Variants in FREM2 observed in about 807,000 individuals in gnomAD.
FREM2 encodes the protein FRAS1-related extracellular matrix protein 2.
Under a neutral mutation model 219.9 loss-of-function variants are expected in FREM2, and 119 were observed. The observed-to-expected ratio is 0.54, with a 90% CI of 0.47 to 0.63. The LOEUF (loss-of-function observed/expected upper bound fraction) is 0.63. Among genes scored for constraint, FREM2 ranks in the 30% least tolerant of loss-of-function variants. The probability of loss-of-function intolerance (pLI) is 0.00; values close to 1 mark genes in which losing one functional copy is unlikely to be tolerated. For synonymous variants in FREM2, 1,562 were observed against 1,522.8 expected (o/e 1.03, Z -0.60); for missense variants, 4,030 against 3,993.6 (o/e 1.01, Z -0.25).
Position 38,840,710 on chromosome 13 carries a change from AC to A in FREM2, c.6020-5862del, listed in dbSNP as rs1338433843. 1.0e-3 allele frequency among the ~76,000 whole-genome samples: 153 copies of A among 148,060 alleles called. 1 individual carries two copies. Among genetic ancestry groups the A allele is most frequent in the African/African-American group, 3.8e-3 (150 of 39,846 alleles). On this transcript the variant is annotated intron_variant, in intron 6 of 23. Transcript: ENST00000280481. The stretch of plus-strand genomic sequence containing the variant: ...TGTATATATGTGCATATATACACAC[AC>A]ACACACAGATATATATATATACACA...
chr13:38,768,483 C>G (rs1272838347), intron 3 of FREM2, among the ~76,000 whole-genome samples: 1 of 151,876 alleles, frequency 6.6e-6, no homozygotes, highest in Non-Finnish European at 1.5e-5. Flanking sequence ...CACCATGTTT[C>G]CCAGGATGGT....
rs1332117570 is a variant in FREM2 at position 38,884,865 on chromosome 13, T to C, written c.*4078T>C. ...TCATAGGTTTAACTGAAATACGTTA[T>C]ATGAAGTTTTACAAAAAGGTCAACA... On this transcript the variant is annotated 3_prime_UTR_variant, in exon 24 of 24. Coordinates refer to ENST00000280481, the MANE Select transcript of FREM2 (RefSeq NM_207361.6). 6.6e-6 allele frequency: 1 copy of C among 152,174 alleles called. No homozygotes were observed. Among genetic ancestry groups the C allele is most frequent in the Non-Finnish European group, 1.5e-5 (1 of 68,026 alleles). 9.4% of individuals were successfully genotyped at this position (152,174 alleles called of 1,614,324 possible).
intron 5 of FREM2, among the ~76,000 whole-genome samples, chr13:38,783,471 TATAAA>T (rs781093093): frequency 0.035 from 1,073 of 30,852 alleles, 4 homozygotes; most frequent in Middle Eastern, 0.11. Flanking sequence ...TGGGTTACTA[TATAAA>T]AAAAAAAAAA....
intron 6 of FREM2, among the ~76,000 whole-genome samples, chr13:38,788,972 T>G (rs2137836253): frequency 6.6e-6 from 1 of 152,250 alleles, no homozygotes; most frequent in South Asian, 2.1e-4. Context: ...TTACTAGTGT[T>G]AAGCCACCCA....
chr13:38,751,276 A>G (rs1027690788), intron 2 of FREM2, among the ~76,000 whole-genome samples: 22 of 151,500 alleles, frequency 1.5e-4, no homozygotes, highest in African/African-American at 5.1e-4. Flanking sequence ...GTGTACAGCA[A>G]TTCCCTTTTC....
At chr13:38,859,021 G>T (rs1347027169) in intron 13 of FREM2, among the ~76,000 whole-genome samples, 1 of 152,042 alleles carries the variant, frequency 6.6e-6, no homozygotes, top group Non-Finnish European at 1.5e-5. Flanking sequence ...AGGATAACTG[G>T]CAAATCTGAT....
chr13:38,721,639 C>T (rs553313561), intron 2 of FREM2, among the ~76,000 whole-genome samples: 2 of 152,160 alleles, frequency 1.3e-5, no homozygotes, highest in East Asian at 1.9e-4. Context: ...AGCAGTTGGC[C>T]GGGCTAGGCA....
At chr13:38,844,142 A>G (rs1185864649) in intron 6 of FREM2, among the ~76,000 whole-genome samples, 1 of 152,202 alleles carries the variant, frequency 6.6e-6, no homozygotes, top group Non-Finnish European at 1.5e-5. Context: ...TTAAAATCCC[A>G]TTTCCAGTCT....
At chr13:38,726,441 G>A (rs552792549) in intron 2 of FREM2, among the ~76,000 whole-genome samples, 287 of 152,308 alleles carry the variant, frequency 1.9e-3, no homozygotes, top group African/African-American at 6.3e-3. Flanking sequence ...AAGAAGAGCA[G>A]TTCCCCTTGA....
chr13:38,861,687 T>C, intron 15 of FREM2, 125 bp downstream of exon 15: 1 of 993,060 alleles, frequency 1.0e-6, no homozygotes. Context: ...GAGCTTCAAG[T>C]CCTTCCACTT....
chr13:38,736,051 A>G (rs772805003), intron 2 of FREM2, among the ~76,000 whole-genome samples: 2 of 152,154 alleles, frequency 1.3e-5, no homozygotes, highest in African/African-American at 2.4e-5. Context: ...AGGCTGTGCG[A>G]AAGGGCTTCA....
intron 3 of FREM2, among the ~76,000 whole-genome samples, chr13:38,766,354 T>C (rs1873434443): frequency 1.3e-5 from 2 of 152,226 alleles, no homozygotes; most frequent in Non-Finnish European, 2.9e-5. Context: ...AGGCTTTACT[T>C]GGTTCACTTC....
chr13:38,817,917 A>C (rs1429193228), intron 6 of FREM2, among the ~76,000 whole-genome samples: 1 of 152,062 alleles, frequency 6.6e-6, no homozygotes, highest in East Asian at 1.9e-4. Context: ...AAGACATACA[A>C]ATGACAAACA....
intron 2 of FREM2, among the ~76,000 whole-genome samples, chr13:38,738,745 C>T (rs900933207): frequency 2.0e-5 from 3 of 151,944 alleles, no homozygotes; most frequent in African/African-American, 7.3e-5. Context: ...ATGAGACCAG[C>T]CTATCTCTGA....
In FREM2 at chr13:38,773,473, C is replaced by G. The variant is rs190227008; in HGVS notation, c.5641+3665C>G. Among the ~76,000 whole-genome samples the G allele has an allele frequency of 4.6e-3, 702 of 152,278 alleles. 7 individuals carry two copies. Among genetic ancestry groups the G allele is most frequent in the African/African-American group, 0.016 (669 of 41,540 alleles). On this transcript the variant is annotated intron_variant, in intron 4 of 23. Transcript: ENST00000280481. ...TGGAGCTATCATAGCTTGCTGCATC[C>G]CCAAACTCCTGGGCTAAAGCAAAGC...
chr13:38,698,437 C>T lies in FREM2; in HGVS notation c.5263+650C>T, dbSNP rs1040626866. Among the ~76,000 whole-genome samples, 7 of 152,204 alleles carry T rather than the reference C, an allele frequency of 4.6e-5. No homozygotes were observed. In the South Asian group the frequency reaches 1.2e-3, roughly 27 times the overall value. On this transcript the variant is annotated intron_variant, in intron 2 of 23. Coordinates refer to ENST00000280481, the MANE Select transcript of FREM2 (RefSeq NM_207361.6). ...TTGGGCGATATTATTCTCATTACTC[C>T]CCCAGAACTGCCTGCTGTTTATACT...
chr13:38,772,701 CT>C (rs58721583), intron 4 of FREM2, among the ~76,000 whole-genome samples: 126,330 of 146,174 alleles, frequency 0.86, 54,660 homozygotes, highest in Middle Eastern at 0.93. Flanking sequence ...TTCTCTCTCT[CT>C]TTTTTTTTTT....
intron 11 of FREM2, among the ~76,000 whole-genome samples, chr13:38,852,595 A>C (rs1334265593): frequency 1.3e-5 from 2 of 152,174 alleles, no homozygotes; most frequent in African/African-American, 4.8e-5. Flanking sequence ...GGACAGTAAA[A>C]GTATAGTGAA....
chr13:38,792,278 G>C (rs1046603364), intron 6 of FREM2, among the ~76,000 whole-genome samples: 2 of 152,186 alleles, frequency 1.3e-5, no homozygotes, highest in Non-Finnish European at 2.9e-5. Flanking sequence ...GAACCTGGGA[G>C]GCGGAGGTTG....
Sources: allele counts gnomAD v4.1 joint callset (sites outside exome capture counted in the v4.1 genomes callset), GRCh38; gene constraint gnomAD v4.1.1; transcripts MANE v1.5; gene names NCBI Gene and HGNC (gene_info 2026-07-23, HGNC 2026-07-21).